The following FYTTD1 variants were observed in gnomAD, a reference collection of about 807,000 sequenced individuals.
The protein encoded by FYTTD1 is UAP56-interacting factor.
A neutral mutation model predicts 40.9 loss-of-function variants in FYTTD1; 22 were observed. The observed-to-expected ratio is 0.54, with a 90% CI of 0.38 to 0.77. The LOEUF is 0.77. FYTTD1 is among the 30% of genes least tolerant of loss of function. The pLI, the probability that FYTTD1 is intolerant of heterozygous loss-of-function variation, is 0.00. For synonymous variants in FYTTD1, 140 were observed against 137.9 expected (o/e 1.01, Z -0.10); for missense variants, 351 against 392.2 (o/e 0.90, Z 0.89).
intron 2 of FYTTD1, among the ~76,000 whole-genome samples, chr3:197,759,727 GTATAGCGTGTTCTTCAGTGGTAGAACA>G (rs1729316433): frequency 6.7e-6 from 1 of 148,344 alleles, no homozygotes; most frequent in East Asian, 2.1e-4. Context: ...GTGGTAGAAC[GTATAGCGTGTTCTTCAGTGGTAGAACA>G]TATAGAGTTG....
intron 4 of FYTTD1, among the ~76,000 whole-genome samples, chr3:197,771,513 A>G (rs931449296): frequency 2.0e-5 from 3 of 152,264 alleles, no homozygotes; most frequent in South Asian, 4.1e-4. Context: ...GCGGTGGCTC[A>G]CGCCTGTAAT....
rs1318161922 is a variant in FYTTD1 at position 197,784,205 on chromosome 3, A to C, written c.*2296A>C. 3 of 152,542 alleles carry C rather than the reference A, an allele frequency of 2.0e-5. No homozygotes were observed. Among genetic ancestry groups the C allele is most frequent in the South Asian group, 2.1e-4 (1 of 4,822 alleles). 9.4% of individuals were successfully genotyped at this position (152,542 alleles called of 1,614,324 possible). ...TGTATTTAACGAGGAGGTGCTTTAC[A>C]CTGTACTTTTTGGTGTTTTTTGGAA... On this transcript the variant is annotated 3_prime_UTR_variant, in exon 9 of 9. Coordinates refer to ENST00000241502, the MANE Select transcript of FYTTD1 (RefSeq NM_032288.7).
At position 197,785,878 on chromosome 3, in the gene FYTTD1, C is replaced by G. The variant is rs535486756; in HGVS notation, c.*3969C>G. ...TTGCCACTGTGAAAAAGCAGTTAAG[C>G]ATGTAAAACTTCCCTTTAGAGAGGG... On this transcript the variant is annotated 3_prime_UTR_variant, in exon 9 of 9. Transcript: ENST00000241502. 6.6e-6 allele frequency: 1 copy of G among 150,476 alleles called. No individual in the cohort carries two copies. Among genetic ancestry groups the G allele is most frequent in the African/African-American group, 2.4e-5 (1 of 41,052 alleles). The allele number at this position is 150,476 out of a possible 1,614,324, so 9.3% of individuals were successfully genotyped here.
chr3:197,767,151 C>CT (rs775937955), intron 2 of FYTTD1, among the ~76,000 whole-genome samples: 163 of 151,254 alleles, frequency 1.1e-3, no homozygotes, highest in Admixed American at 1.8e-3. Flanking sequence ...TATTTATTTA[C>CT]TTTTTTTGAG....
intron 8 of FYTTD1, among the ~76,000 whole-genome samples, chr3:197,780,204 A>T (rs1044174909): frequency 6.6e-6 from 1 of 151,814 alleles, no homozygotes; most frequent in African/African-American, 2.4e-5. Flanking sequence ...GGATACAGGC[A>T]CACACACCAT....
At chr3:197,771,649 C>G (rs920955006) in intron 4 of FYTTD1, among the ~76,000 whole-genome samples, 1 of 151,036 alleles carries the variant, frequency 6.6e-6, no homozygotes, top group South Asian at 2.1e-4. Flanking sequence ...TGGTGGCGGG[C>G]GCCTGTAGTC....
intron 1 of FYTTD1, chr3:197,750,513 G>A: frequency 1.0e-6 from 1 of 986,538 alleles, no homozygotes; most frequent in South Asian, 4.7e-5. Context: ...TCTGAAGAAA[G>A]GTCTTGGAGA....
At chr3:197,752,843 T>C (rs1353878653) in intron 1 of FYTTD1, among the ~76,000 whole-genome samples, 1 of 152,224 alleles carries the variant, frequency 6.6e-6, no homozygotes, top group Admixed American at 6.5e-5. Context: ...AGTAACTTGC[T>C]CGAAGTCATA....
At chr3:197,773,609 G>T in intron 5 of FYTTD1, 110 bp downstream of exon 5, 1 of 630,312 alleles carries the variant, frequency 1.6e-6, no homozygotes. Flanking sequence ...TTGGGTTCAG[G>T]ATGTGAGGCA....
intron 2 of FYTTD1, among the ~76,000 whole-genome samples, chr3:197,756,828 AG>A (rs1729228383): frequency 6.6e-6 from 1 of 152,218 alleles, no homozygotes; most frequent in Non-Finnish European, 1.5e-5. Context: ...AGAATTGCAA[AG>A]GATCTTATAT....
In FYTTD1 at chr3:197,785,094, A is replaced by G. The variant is rs901133138; in HGVS notation, c.*3185A>G. ...CATTTTTAGCATGGTAAGTAAATCT[A>G]TTCTACCAGTGATGGTTATACTTTA... is the stretch of plus-strand genomic sequence containing the variant. On this transcript the variant is annotated 3_prime_UTR_variant, in exon 9 of 9. Coordinates refer to ENST00000241502, the MANE Select transcript of FYTTD1 (RefSeq NM_032288.7). 1 of 152,242 alleles carries G rather than the reference A, an allele frequency of 6.6e-6. No individual in the cohort carries two copies. The highest frequency in any genetic ancestry group is 1.5e-5 in the Non-Finnish European group (1 of 68,046). The allele number at this position is 152,242 out of a possible 1,614,324, so 9.4% of individuals were successfully genotyped here. A position where few individuals can be genotyped will look rare whatever the true frequency, so the allele number is the denominator to read the frequency against.
At chr3:197,764,711 A>C (rs1355491647) in intron 2 of FYTTD1, among the ~76,000 whole-genome samples, 5 of 147,842 alleles carry the variant, frequency 3.4e-5, no homozygotes, top group Non-Finnish European at 4.5e-5. Context: ...TCCGTCCCAA[A>C]AAAAAAAAAA....
intron 2 of FYTTD1, among the ~76,000 whole-genome samples, chr3:197,764,679 A>C (rs1729487328): frequency 7.0e-6 from 1 of 143,348 alleles, no homozygotes; most frequent in African/African-American, 2.6e-5. Context: ...GCTACACTCC[A>C]GCCCGGGTGA....
rs1462552307 is a variant in FYTTD1 at position 197,768,587 on chromosome 3, G to A, written c.384G>A (p.Lys128=). The A allele has an allele frequency of 6.2e-7, 1 of 1,611,362 alleles. No individual in the cohort carries two copies. Among genetic ancestry groups the A allele is most frequent in the Non-Finnish European group, 8.5e-7 (1 of 1,178,592 alleles). ...SPMNRPPLSD[K]NIEQYFPVLK... ...TGAATCGTCCACCTCTAAGTGACAA[G>A]GTAGGATGATGGCTTAATCCTGGAT... is the stretch of plus-strand genomic sequence containing the variant. Residue 128 remains lysine, a splice_region_variant and synonymous_variant, in exon 3 of 9, where the codon AAG becomes AAA. Transcript: ENST00000241502.
At chr3:197,773,786 G>A (rs141620292) in intron 5 of FYTTD1, among the ~76,000 whole-genome samples, 248 of 152,278 alleles carry the variant, frequency 1.6e-3, no homozygotes, top group African/African-American at 5.5e-3. Context: ...CCAGAATAGC[G>A]TGGGCCCCTC....
At chr3:197,768,140 A>G (rs1260810313) in intron 2 of FYTTD1, among the ~76,000 whole-genome samples, 1 of 152,208 alleles carries the variant, frequency 6.6e-6, no homozygotes, top group African/African-American at 2.4e-5. Flanking sequence ...ATCTACCATA[A>G]TGCACAGGTA....
intron 2 of FYTTD1, among the ~76,000 whole-genome samples, chr3:197,759,123 A>T (rs564916699): frequency 6.6e-6 from 1 of 151,540 alleles, no homozygotes; most frequent in African/African-American, 2.4e-5. Flanking sequence ...GAATGTATAG[A>T]GTGTTCTTCA....
Position 197,778,356 on chromosome 3 carries a change from A to G in FYTTD1, c.750A>G (p.Leu250=). The G allele has an allele frequency of 1.2e-6, 2 of 1,604,576 alleles. No homozygotes were observed. Among genetic ancestry groups the G allele is most frequent in the Non-Finnish European group, 1.7e-6 (2 of 1,176,618 alleles). ...VQCPVTQKPR[L]TRTAVPSFLT... ...CTAATAGAACTCAGAAACCACGATT[A>G]ACTCGTACTGCTGTACCTTCATTTT... The change falls in exon 8 of 9, where the codon TTA becomes TTG. Residue 250 remains leucine (L), a synonymous_variant. Coordinates refer to ENST00000241502, the MANE Select transcript of FYTTD1 (RefSeq NM_032288.7).
chr3:197,761,816 G>A (rs907385873), intron 2 of FYTTD1, among the ~76,000 whole-genome samples: 3 of 152,234 alleles, frequency 2.0e-5, no homozygotes, highest in South Asian at 4.1e-4. Flanking sequence ...AATTAAAGTA[G>A]ATTGAATGCA....
Sources: allele counts gnomAD v4.1 joint callset (sites outside exome capture counted in the v4.1 genomes callset), GRCh38; gene constraint gnomAD v4.1.1; transcripts MANE v1.5; gene names NCBI Gene and HGNC (gene_info 2026-07-23, HGNC 2026-07-21).